The following TUB variants were observed in gnomAD, a reference collection of about 807,000 sequenced individuals.
TUB encodes the protein TUB bipartite transcription factor.
Under a neutral mutation model 59.7 loss-of-function variants are expected in TUB, and 33 were observed. The ratio of observed to expected loss-of-function variants is 0.55; its 90% CI spans 0.42 to 0.74. TUB has a LOEUF of 0.74. Among genes scored for constraint, TUB ranks in the 30% least tolerant of loss-of-function variants. TUB has a pLI of 0.00. For synonymous variants in TUB, 293 were observed against 256.4 expected, an observed-to-expected ratio of 1.14 and a Z score of -1.36; for missense variants, 659 against 672.0, an observed-to-expected ratio of 0.98 and a Z score of 0.21.
chr11:8,031,593 TGTGGGGCAATCCGGG>T (rs1942572087), intron 1 of TUB, among the ~76,000 whole-genome samples: 1 of 152,168 alleles, frequency 6.6e-6, no homozygotes, highest in East Asian at 1.9e-4. Context: ...GGTGAGGGGC[TGTGGGGCAATCCGGG>T]GCCGCATCAA....
upstream of TUB, among the ~76,000 whole-genome samples, chr11:8,080,230 G>A (rs1231340643): frequency 2.0e-5 from 3 of 152,222 alleles, no homozygotes; most frequent in Non-Finnish European, 4.4e-5. Context: ...GGATGCACAC[G>A]AGGACGCCCA....
chr11:8,082,643 TCTCTGTTAGAGC>T (rs1404270778), intron 1 of TUB, among the ~76,000 whole-genome samples: 2 of 152,226 alleles, frequency 1.3e-5, no homozygotes, highest in Non-Finnish European at 2.9e-5. Context: ...CACAGCTTGC[TCTCTGTTAGAGC>T]CTCATACCAG....
Position 8,105,457 on chromosome 11 carries a change from G to A in TUB, c.*3838G>A, listed in dbSNP as rs1413160235. The A allele has an allele frequency of 7.0e-6, 1 of 142,822 alleles. No homozygotes were observed. Among genetic ancestry groups the A allele is most frequent in the Non-Finnish European group, 1.5e-5 (1 of 64,594 alleles). 8.8% of individuals were successfully genotyped at this position (142,822 alleles called of 1,614,324 possible). A position where few individuals can be genotyped will look rare whatever the true frequency, so the allele number is the denominator to read the frequency against. On this transcript the variant is annotated 3_prime_UTR_variant, in exon 12 of 12. Coordinates refer to ENST00000299506, the MANE Select transcript of TUB (RefSeq NM_177972.3). ...GAATTTTCAGTCATCTCATGATACA[G>A]GCGGGAGGGGCAGAACAGATAGATT...
rs181636329 is a variant in TUB at position 8,097,656 on chromosome 11, A to G, written c.886-58A>G. On this transcript the variant is annotated intron_variant, in intron 7 of 11. Transcript: ENST00000299506. ...GAGAGAGTCTGTGTGAGTGGCTCTC[A>G]TGACTGTGTGCAGACCAGAGGCTGA... 460 of 1,483,952 alleles carry G rather than the reference A, an allele frequency of 3.1e-4. 1 individual carries two copies. The African/African-American group carries it at 4.9e-3, about 16-fold the overall frequency. The allele number at this position is 1,483,952 out of a possible 1,614,324, so 91.9% of individuals were successfully genotyped here. A position where few individuals can be genotyped will look rare whatever the true frequency, so the allele number is the denominator to read the frequency against.
intron 1 of TUB, 88 bp from the exon 2 acceptor site, chr11:8,089,522 C>A: frequency 1.3e-6 from 2 of 1,529,342 alleles, no homozygotes; most frequent in Non-Finnish European, 9.0e-7. Context: ...ATGGGTTTAA[C>A]GGGCCCAGAT....
chr11:8,100,990 C>T lies in TUB; in HGVS notation c.1380C>T (p.Gly460=). The change falls in exon 11 of 12, where the codon GGC becomes GGT. Residue 460 remains glycine (G), a synonymous_variant. Transcript: ENST00000299506. ...ASVKNFQIIH[G]NDPDYIVMQF... ...TGAAGAACTTCCAGATCATCCATGGCAATGACCGTGAGTGTTTCTGTCCCT... is the reference window on the plus strand; with the variant it reads ...TGAAGAACTTCCAGATCATCCATGGTAATGACCGTGAGTGTTTCTGTCCCT... 1 of 1,614,122 alleles carries T rather than the reference C, an allele frequency of 6.2e-7. No homozygotes were observed. The highest frequency in any genetic ancestry group is 8.5e-7 in the Non-Finnish European group (1 of 1,180,012).
rs1944484308 is a variant in TUB at position 8,104,979 on chromosome 11, T to TAAATAAACTTAGCATTTTA, written c.*3377_*3378insTAAAATAAACTTAGCATTT. The TAAATAAACTTAGCATTTTA allele has an allele frequency of 6.6e-6, 1 of 151,776 alleles. No homozygotes were observed. Among genetic ancestry groups the TAAATAAACTTAGCATTTTA allele is most frequent in the African/African-American group, 2.4e-5 (1 of 41,300 alleles). 9.4% of individuals were successfully genotyped at this position (151,776 alleles called of 1,614,324 possible). A position where few individuals can be genotyped will look rare whatever the true frequency, so the allele number is the denominator to read the frequency against. On this transcript the variant is annotated 3_prime_UTR_variant, in exon 12 of 12. Transcript: ENST00000299506. ...TGAAAATAGCAGGACATTTACCTCT[T>TAAATAAACTTAGCATTTTA]AAATAAACTTAGCATTTAGAGGTAA...
rs917037529 is a variant in TUB, at chr11:8,103,049, CGTGA to C, written c.*1433_*1436del. 3.9e-5 allele frequency: 6 copies of C among 152,222 alleles called. No individual in the cohort carries two copies. The highest frequency in any genetic ancestry group is 1.4e-4 in the African/African-American group (6 of 41,448). The allele number at this position is 152,222 out of a possible 1,614,324, so 9.4% of individuals were successfully genotyped here. A position where few individuals can be genotyped will look rare whatever the true frequency, so the allele number is the denominator to read the frequency against. On this transcript the variant is annotated 3_prime_UTR_variant, in exon 12 of 12. Transcript: ENST00000299506. ...GTTGAAAGTTGTCTGGCTTTTTGCA[CGTGA>C]GTATGATCCAGGATTGGCCTGTGTC...
At chr11:8,056,782 T>A (rs1456008514) in intron 2 of TUB, among the ~76,000 whole-genome samples, 1 of 151,714 alleles carries the variant, frequency 6.6e-6, no homozygotes, top group Non-Finnish European at 1.5e-5. Context: ...TTGTTGTGTG[T>A]GATGTGGTTT....
chr11:8,047,026 G>T (rs913766161), intron 2 of TUB, among the ~76,000 whole-genome samples: 5 of 152,186 alleles, frequency 3.3e-5, no homozygotes, highest in Non-Finnish European at 7.4e-5. Flanking sequence ...GCTGCAGGGT[G>T]GACAAGCTTG....
chr11:8,060,194 GC>G (rs1384701901), intron 2 of TUB: 2 of 152,522 alleles, frequency 1.3e-5, no homozygotes, highest in African/African-American at 4.8e-5. Flanking sequence ...AGGTGGGAAA[GC>G]CAAGAGAGTG....
intron 1 of TUB, among the ~76,000 whole-genome samples, chr11:8,025,278 T>C (rs1325990888): frequency 2.0e-5 from 3 of 152,172 alleles, no homozygotes; most frequent in Non-Finnish European, 4.4e-5. Flanking sequence ...CTGTGTCATA[T>C]AGTGTGGTCA....
chr11:8,024,856 T>C (rs1195637163), intron 1 of TUB, among the ~76,000 whole-genome samples: 1 of 152,226 alleles, frequency 6.6e-6, no homozygotes, highest in Non-Finnish European at 1.5e-5. Flanking sequence ...CCTCTCAGAC[T>C]CTGAGACAAA....
At position 8,055,062 on chromosome 11, in the gene TUB, C is replaced by T. The variant is rs114103316; in HGVS notation, c.203+15370C>T. 1.4e-3 allele frequency among the ~76,000 whole-genome samples: 208 copies of T among 152,240 alleles called. 1 individual carries two copies. The highest frequency in any genetic ancestry group is 4.7e-3 in the African/African-American group (197 of 41,528). ...TCCCCTGGAAACCCCCTCAGCTAGACAGAGAGGAGAGGGTTTACTGTAACT... is the reference window on the plus strand; with the variant it reads ...TCCCCTGGAAACCCCCTCAGCTAGATAGAGAGGAGAGGGTTTACTGTAACT... On this transcript the variant is annotated intron_variant, in intron 2 of 12. Transcript: ENST00000305253.
At chr11:8,070,952 G>T (rs117916888) in intron 2 of TUB, among the ~76,000 whole-genome samples, 1 of 152,144 alleles carries the variant, frequency 6.6e-6, no homozygotes. Context: ...CAGACTGCAG[G>T]GGGGCTGGAG....
chr11:8,097,893 G>A, intron 8 of TUB, 67 bp downstream of exon 8: 3 of 1,254,364 alleles, frequency 2.4e-6, no homozygotes, highest in South Asian at 1.3e-5. Flanking sequence ...TGTCTGTAGA[G>A]GGCCTGAATC....
intron 1 of TUB, among the ~76,000 whole-genome samples, chr11:8,023,508 T>G (rs982231256): frequency 1.3e-5 from 2 of 152,236 alleles, no homozygotes; most frequent in Non-Finnish European, 2.9e-5. Flanking sequence ...ATCAACGCAA[T>G]GCTTCTAACA....
rs186574292 is a variant in TUB at position 8,082,501 on chromosome 11, T to C, written c.38+953T>C. On this transcript the variant is annotated intron_variant, in intron 1 of 11. Transcript: ENST00000299506. The stretch of plus-strand genomic sequence containing the variant: ...GATTCTTGGCCACCCATTGGCTCCT[T>C]GGTTGCCATGGGCTACGGGGCTGTC... Among the ~76,000 whole-genome samples the C allele has an allele frequency of 1.9e-3, 283 of 152,344 alleles. 3 individuals are homozygous for C. Among genetic ancestry groups the C allele is most frequent in the Admixed American group, 6.2e-3 (95 of 15,304 alleles).
intron 2 of TUB, among the ~76,000 whole-genome samples, chr11:8,047,371 T>G (rs1464687667): frequency 6.6e-6 from 1 of 152,208 alleles, no homozygotes; most frequent in African/African-American, 2.4e-5. Flanking sequence ...CAATCATGAT[T>G]CCATCCAAAT....
Sources: allele counts gnomAD v4.1 joint callset (sites outside exome capture counted in the v4.1 genomes callset), GRCh38; gene constraint gnomAD v4.1.1; transcripts MANE v1.5; gene names NCBI Gene and HGNC (gene_info 2026-07-23, HGNC 2026-07-21).